Variants in FOXP1 observed in about 807,000 individuals in gnomAD.
FOXP1 encodes forkhead box P1.
Under a neutral mutation model 98.2 loss-of-function variants are expected in FOXP1, and 15 were observed. The ratio of observed to expected loss-of-function variants is 0.15; its 90% confidence interval spans 0.10 to 0.24. FOXP1 has a LOEUF of 0.24. Among genes scored for constraint, FOXP1 ranks in the 10% least tolerant of loss-of-function variants. The pLI is 1.00. For missense variants in FOXP1, 633 were observed against 848.5 expected, an observed-to-expected ratio of 0.75 and a Z score of 3.15; for synonymous variants, 371 against 314.5, an observed-to-expected ratio of 1.18 and a Z score of -1.90.
At chr3:71,068,135 C>T (rs1400511430) in intron 7 of FOXP1, among the ~76,000 whole-genome samples, 2 of 151,938 alleles carry the variant, frequency 1.3e-5, no homozygotes, top group Admixed American at 6.6e-5. Flanking sequence ...ATCCTAACAC[C>T]CACAACAGAT....
chr3:71,533,558 T>A (rs933921024), intron 2 of FOXP1, among the ~76,000 whole-genome samples: 1 of 152,172 alleles, frequency 6.6e-6, no homozygotes, highest in Admixed American at 6.5e-5. Flanking sequence ...TGGGGAATCA[T>A]AAGTTACACC....
At chr3:71,263,838 A>C (rs559049447) in intron 5 of FOXP1, among the ~76,000 whole-genome samples, 84 of 151,410 alleles carry the variant, frequency 5.5e-4, no homozygotes, top group Admixed American at 1.9e-3. Flanking sequence ...TCGACTTCCC[A>C]GGCTCAAATG....
chr3:71,021,554 T>C (rs2045442080), intron 11 of FOXP1, among the ~76,000 whole-genome samples: 1 of 152,210 alleles, frequency 6.6e-6, no homozygotes, highest in Non-Finnish European at 1.5e-5. Flanking sequence ...GATATCTACC[T>C]AGAAGTTGAA....
chr3:71,171,035 TA>T (rs1444022333), intron 6 of FOXP1, among the ~76,000 whole-genome samples: 4 of 152,050 alleles, frequency 2.6e-5, no homozygotes, highest in Non-Finnish European at 5.9e-5. Flanking sequence ...AAAATGCTGC[TA>T]TAACTTCTTT....
chr3:71,490,049 C>T (rs552896518), intron 3 of FOXP1, among the ~76,000 whole-genome samples: 26 of 152,186 alleles, frequency 1.7e-4, no homozygotes, highest in Admixed American at 4.6e-4. Flanking sequence ...TTTGGTTGTT[C>T]AATAAACTGT....
intron 11 of FOXP1, among the ~76,000 whole-genome samples, chr3:71,040,097 GTGTGTGTA>G (rs1576365922): frequency 6.6e-6 from 1 of 151,674 alleles, no homozygotes; most frequent in African/African-American, 2.4e-5. Flanking sequence ...GTGTGTGTGT[GTGTGTGTA>G]TGTATGTATC....
rs972758370 is a variant in FOXP1, at chr3:71,197,666, C to G, written c.180+536G>C. Among the ~76,000 whole-genome samples, 11 of 152,272 alleles carry G rather than the reference C, an allele frequency of 7.2e-5. No individual in the cohort carries two copies. In the East Asian group the frequency reaches 2.1e-3, roughly 29 times the overall value. On this transcript the variant is annotated intron_variant, in intron 6 of 20. Coordinates refer to ENST00000649528, the MANE Select transcript of FOXP1 (RefSeq NM_001349338.3). ...ATACTCTATACCCCCAAATCCTACT[C>G]GTAGAGGGAAGCAGCTTCCTACAGT...
intron 3 of FOXP1, among the ~76,000 whole-genome samples, chr3:71,434,345 T>G (rs2085011818): frequency 6.6e-6 from 1 of 151,968 alleles, no homozygotes; most frequent in East Asian, 1.9e-4. Flanking sequence ...ACTCCAGTCC[T>G]GGGAGTCCAC....
chr3:71,404,004 A>G (rs545168019), intron 3 of FOXP1, among the ~76,000 whole-genome samples: 1 of 152,256 alleles, frequency 6.6e-6, no homozygotes, highest in Admixed American at 6.5e-5. Context: ...AATGATAACA[A>G]AAGATGTCTT....
intron 6 of FOXP1, chr3:71,131,019 G>A: frequency 1.4e-6 from 1 of 729,286 alleles, no homozygotes; most frequent in Non-Finnish European, 1.7e-6. Context: ...ATATTTTTGT[G>A]GTGACATTTA....
chr3:71,118,983 T>C (rs1487224301), intron 6 of FOXP1, among the ~76,000 whole-genome samples: 1 of 152,194 alleles, frequency 6.6e-6, no homozygotes, highest in Non-Finnish European at 1.5e-5. Context: ...ATCCCCATCT[T>C]AGGTTGCTAT....
At chr3:71,285,251 C>A (rs1020059382) in intron 5 of FOXP1, among the ~76,000 whole-genome samples, 1 of 152,204 alleles carries the variant, frequency 6.6e-6, no homozygotes, top group South Asian at 2.1e-4. Context: ...CTTGGCAAAA[C>A]ACGTCACATA....
In FOXP1 at chr3:70,959,200, T is replaced by G; in HGVS notation, c.*47A>C. ...GCTAACTTTTGACGTGTTTTTTTTTTTTTCCTTTTTCCAATCTTCATTCTC... is the reference window on the plus strand; with the variant it reads ...GCTAACTTTTGACGTGTTTTTTTTTGTTTCCTTTTTCCAATCTTCATTCTC... On this transcript the variant is annotated 3_prime_UTR_variant, in exon 21 of 21. Coordinates refer to ENST00000649528, the MANE Select transcript of FOXP1 (RefSeq NM_001349338.3). 6.2e-7 allele frequency: 1 copy of G among 1,606,490 alleles called. No individual in the cohort carries two copies. Among genetic ancestry groups the G allele is most frequent in the Non-Finnish European group, 8.5e-7 (1 of 1,175,186 alleles).
At chr3:71,281,010 C>T (rs2107407231) in intron 5 of FOXP1, among the ~76,000 whole-genome samples, 2 of 145,612 alleles carry the variant, frequency 1.4e-5, no homozygotes, top group East Asian at 2.0e-4. Flanking sequence ...TCCTACCAGC[C>T]TGGGCAACAT....
At chr3:71,576,837 G>A (rs1469616301) in intron 2 of FOXP1, among the ~76,000 whole-genome samples, 1 of 152,162 alleles carries the variant, frequency 6.6e-6, no homozygotes, top group Non-Finnish European at 1.5e-5. Context: ...CAGGTACTAG[G>A]TAGGTTCTCC....
intron 1 of FOXP1, chr3:71,582,418 T>G (rs1363877359): frequency 1.0e-6 from 1 of 984,626 alleles, no homozygotes; most frequent in East Asian, 1.1e-4. Flanking sequence ...GCACGCCGCC[T>G]CGGCTCGCTG....
intron 5 of FOXP1, among the ~76,000 whole-genome samples, chr3:71,242,469 A>G (rs17008392): frequency 0.081 from 12,374 of 152,282 alleles, 734 homozygotes; most frequent in East Asian, 0.29. Context: ...CAGGAGGTAC[A>G]GCTAGCTATT....
At chr3:71,556,663 G>C (rs1162373724) in intron 2 of FOXP1, among the ~76,000 whole-genome samples, 2 of 142,914 alleles carry the variant, frequency 1.4e-5, no homozygotes, top group Non-Finnish European at 3.1e-5. Context: ...AACTGCCATA[G>C]TCTTTTTTTT....
At chr3:70,965,159 T>G (rs779993136) in intron 20 of FOXP1, among the ~76,000 whole-genome samples, 1 of 152,238 alleles carries the variant, frequency 6.6e-6, no homozygotes, top group Non-Finnish European at 1.5e-5. Flanking sequence ...TTCTTCGCTC[T>G]GTTTGAAAAC....
Sources: allele counts gnomAD v4.1 joint callset (sites outside exome capture counted in the v4.1 genomes callset), GRCh38; gene constraint gnomAD v4.1.1; transcripts MANE v1.5; gene names NCBI Gene and HGNC (gene_info 2026-07-23, HGNC 2026-07-21).